The following WWOX variants were observed in gnomAD, a reference collection of about 807,000 sequenced individuals.
The protein encoded by WWOX is WW domain containing oxidoreductase, also known as WW domain-containing oxidoreductase.
A neutral mutation model predicts 46.2 loss-of-function variants in WWOX; 69 were observed. The observed-to-expected ratio is 1.49, with a 90% CI of 1.23 to 1.82. The LOEUF is 1.82. Among genes scored for constraint, WWOX ranks in the 40% most tolerant of loss-of-function variants. The probability of loss-of-function intolerance (pLI) is 0.00; values close to 1 mark genes in which losing one functional copy is unlikely to be tolerated. For missense variants in WWOX, 919 were observed against 542.6 expected, an observed-to-expected ratio of 1.69 and a Z score of -6.89; for synonymous variants, 359 against 202.6, an observed-to-expected ratio of 1.77 and a Z score of -6.56.
chr16:78,877,294 G>A (rs1420948354), intron 8 of WWOX, among the ~76,000 whole-genome samples: 2 of 137,220 alleles, frequency 1.5e-5, no homozygotes, highest in African/African-American at 2.8e-5. Flanking sequence ...CCTCTGACCC[G>A]CCTGCCTCCC....
intron 4 of WWOX, among the ~76,000 whole-genome samples, chr16:78,121,539 G>A (rs1353459974): frequency 6.6e-6 from 1 of 152,160 alleles, no homozygotes; most frequent in Non-Finnish European, 1.5e-5. Context: ...ATTCTAATGA[G>A]CATCATCTCA....
At chr16:79,061,993 C>G (rs949602446) in intron 8 of WWOX, among the ~76,000 whole-genome samples, 1 of 152,178 alleles carries the variant, frequency 6.6e-6, no homozygotes, top group Non-Finnish European at 1.5e-5. Context: ...TTCACAGCCC[C>G]TCCCCACCTT....
At chr16:79,067,299 A>T (rs1472764313) in intron 8 of WWOX, among the ~76,000 whole-genome samples, 1 of 152,230 alleles carries the variant, frequency 6.6e-6, no homozygotes, top group Non-Finnish European at 1.5e-5. Flanking sequence ...AACCTTTGCA[A>T]GGTCCTGCAT....
intron 4 of WWOX, among the ~76,000 whole-genome samples, chr16:78,153,153 G>T (rs1203121719): frequency 6.6e-6 from 1 of 152,124 alleles, no homozygotes; most frequent in African/African-American, 2.4e-5. Flanking sequence ...GGCCTGGGAG[G>T]CAAATGTGAT....
chr16:78,448,254 G>C (rs1036665376), intron 8 of WWOX, among the ~76,000 whole-genome samples: 2 of 152,044 alleles, frequency 1.3e-5, no homozygotes, highest in Admixed American at 1.3e-4. Context: ...TGCATAACGG[G>C]GGAGTAAAAT....
intron 8 of WWOX, among the ~76,000 whole-genome samples, chr16:78,681,387 G>C (rs1278243547): frequency 6.6e-6 from 1 of 152,174 alleles, no homozygotes; most frequent in African/African-American, 2.4e-5. Flanking sequence ...CTGGGTGACA[G>C]AGCGAGACTC....
At chr16:78,164,340 G>T (rs2034902258) in intron 5 of WWOX, 51 bp downstream of exon 5, 2 of 1,521,430 alleles carry the variant, frequency 1.3e-6, no homozygotes, top group Middle Eastern at 1.7e-4. Flanking sequence ...ACACATGCCG[G>T]GCTAACCATA....
intron 4 of WWOX, among the ~76,000 whole-genome samples, chr16:78,119,541 C>T (rs1192255819): frequency 1.3e-5 from 2 of 151,970 alleles, no homozygotes; most frequent in Admixed American, 6.6e-5. Context: ...TTTGTTGGAG[C>T]GCATGCAAAT....
chr16:78,294,751 G>A (rs887435082), intron 5 of WWOX, among the ~76,000 whole-genome samples: 9 of 152,088 alleles, frequency 5.9e-5, no homozygotes, highest in Non-Finnish European at 4.4e-5. Flanking sequence ...AGGTAAGGGT[G>A]AGAGAGAGAC....
At chr16:78,889,240 C>G (rs1393284533) in intron 8 of WWOX, among the ~76,000 whole-genome samples, 1 of 152,146 alleles carries the variant, frequency 6.6e-6, no homozygotes, top group African/African-American at 2.4e-5. Flanking sequence ...TAAAATACAG[C>G]TCCACTCATT....
intron 8 of WWOX, among the ~76,000 whole-genome samples, chr16:78,600,881 G>A (rs551431509): frequency 2.4e-4 from 36 of 152,142 alleles, no homozygotes; most frequent in Non-Finnish European, 4.6e-4. Flanking sequence ...TATCGTGACA[G>A]GGAGAAGCCT....
intron 8 of WWOX, among the ~76,000 whole-genome samples, chr16:78,920,966 C>T (rs1019802035): frequency 1.3e-5 from 2 of 152,130 alleles, no homozygotes; most frequent in African/African-American, 4.8e-5. Flanking sequence ...TCTGCAAATA[C>T]CAGCAGCAAG....
At chr16:78,911,804 TG>T (rs1448882550) in intron 8 of WWOX, among the ~76,000 whole-genome samples, 1 of 152,062 alleles carries the variant, frequency 6.6e-6, no homozygotes, top group Non-Finnish European at 1.5e-5. Flanking sequence ...AAGCGGAGGT[TG>T]CAGGGAGCTG....
At chr16:79,050,370 C>T (rs1002013121) in intron 8 of WWOX, among the ~76,000 whole-genome samples, 3 of 152,276 alleles carry the variant, frequency 2.0e-5, no homozygotes, top group Admixed American at 2.0e-4. Flanking sequence ...CTTCCTGGGA[C>T]CAGCAGGGCT....
intron 4 of WWOX, among the ~76,000 whole-genome samples, chr16:78,146,731 T>C (rs766897007): frequency 6.6e-6 from 1 of 152,216 alleles, no homozygotes; most frequent in Admixed American, 6.5e-5. Context: ...AGAATTTCTT[T>C]TACCAATTGT....
At chr16:78,811,895 A>T (rs376435748) in intron 8 of WWOX, among the ~76,000 whole-genome samples, 67 of 152,348 alleles carry the variant, frequency 4.4e-4, no homozygotes, top group Non-Finnish European at 7.9e-4. Flanking sequence ...TTACTGAGTC[A>T]TGAGCATAAT....
At chr16:78,937,655 C>T (rs2151288967) in intron 8 of WWOX, among the ~76,000 whole-genome samples, 1 of 151,270 alleles carries the variant, frequency 6.6e-6, no homozygotes, top group South Asian at 2.1e-4. Flanking sequence ...GACAAGGTCT[C>T]ACTCTGTCTC....
chr16:78,932,217 A>C (rs554863467), intron 8 of WWOX, among the ~76,000 whole-genome samples: 109 of 152,166 alleles, frequency 7.2e-4, no homozygotes, highest in Non-Finnish European at 1.3e-3. Flanking sequence ...CTCTTTTTCT[A>C]AGCTCCTCAT....
At position 78,392,717 on chromosome 16, in the gene WWOX, C is replaced by T. The variant is rs931359965; in HGVS notation, c.605+5769C>T. Among the ~76,000 whole-genome samples, 3 of 152,142 alleles carry T rather than the reference C, an allele frequency of 2.0e-5. No individual in the cohort carries two copies. In the East Asian group the frequency reaches 5.8e-4, roughly 29 times the overall value. Reference sequence around the variant, plus strand: ...ATAACTCAAGAGACTCAATCAACTTCGTGTTTAATGTTTTCGTAAGAATAC... The same window carrying T: ...ATAACTCAAGAGACTCAATCAACTTTGTGTTTAATGTTTTCGTAAGAATAC... On this transcript the variant is annotated intron_variant, in intron 6 of 8. Coordinates refer to ENST00000566780, the MANE Select transcript of WWOX (RefSeq NM_016373.4).
Sources: gnomAD v4.1 joint callset for allele counts (sites outside exome capture counted in the v4.1 genomes callset) on GRCh38, gnomAD v4.1.1 for gene constraint, MANE v1.5 for transcripts, NCBI Gene and HGNC (gene_info 2026-07-23, HGNC 2026-07-21) for gene names.